FOXP1: variants seen among roughly 807,000 people sequenced by gnomAD.
FOXP1 encodes the protein forkhead box P1.
A neutral mutation model predicts 98.2 loss-of-function variants in FOXP1; 15 were observed. That is an observed-to-expected ratio of 0.15 (90% CI 0.10 to 0.24). The LOEUF is 0.24. Ranked by LOEUF, FOXP1 falls within the 10% of genes least tolerant of loss-of-function variation. The pLI is 1.00. For synonymous variants in FOXP1, 371 were observed against 314.5 expected (o/e 1.18, Z -1.90); for missense variants, 633 against 848.5 (o/e 0.75, Z 3.15).
At chr3:71,168,376 C>G (rs1450272258) in intron 6 of FOXP1, among the ~76,000 whole-genome samples, 1 of 151,864 alleles carries the variant, frequency 6.6e-6, no homozygotes, top group Non-Finnish European at 1.5e-5. Flanking sequence ...ACTTTGTTTT[C>G]TTTTTTCACT....
intron 6 of FOXP1, among the ~76,000 whole-genome samples, chr3:71,166,424 T>G (rs2061404300): frequency 6.6e-6 from 1 of 152,230 alleles, no homozygotes. Context: ...TCTGTGTAAT[T>G]AAACACCAAA....
chr3:71,144,717 A>AG (rs1209297059), intron 6 of FOXP1, among the ~76,000 whole-genome samples: 3 of 152,124 alleles, frequency 2.0e-5, no homozygotes, highest in Non-Finnish European at 2.9e-5. Flanking sequence ...GATTTTTGGC[A>AG]GGGGGGTACA....
chr3:71,553,446 G>A (rs1349036752), intron 2 of FOXP1, among the ~76,000 whole-genome samples: 1 of 152,166 alleles, frequency 6.6e-6, no homozygotes. Context: ...TCCCACTGGT[G>A]AGAGGCTTCC....
At chr3:71,330,100 T>C (rs966458624) in intron 4 of FOXP1, among the ~76,000 whole-genome samples, 2 of 152,166 alleles carry the variant, frequency 1.3e-5, no homozygotes, top group Non-Finnish European at 2.9e-5. Flanking sequence ...TGTAATAACA[T>C]GTATAACTCT....
intron 5 of FOXP1, among the ~76,000 whole-genome samples, chr3:71,217,303 C>A (rs1191635313): frequency 1.3e-5 from 2 of 152,094 alleles, no homozygotes; most frequent in Non-Finnish European, 2.9e-5. Flanking sequence ...GAACTCCTAA[C>A]CTCAAGTGAT....
intron 12 of FOXP1, among the ~76,000 whole-genome samples, chr3:71,011,387 T>G (rs939390078): frequency 6.6e-6 from 1 of 152,058 alleles, no homozygotes; most frequent in Non-Finnish European, 1.5e-5. Context: ...GCCTATGGCT[T>G]TTTCTGGGGC....
chr3:71,222,000 A>G (rs989369405), intron 5 of FOXP1, among the ~76,000 whole-genome samples: 1 of 152,156 alleles, frequency 6.6e-6, no homozygotes, highest in African/African-American at 2.4e-5. Flanking sequence ...TAAAAATACA[A>G]AAATTACCTG....
chr3:71,024,245 C>T (rs1183503013), intron 11 of FOXP1, among the ~76,000 whole-genome samples: 1 of 152,152 alleles, frequency 6.6e-6, no homozygotes, highest in East Asian at 1.9e-4. Context: ...TAAAAATGAC[C>T]TTTCTCCTTC....
intron 7 of FOXP1, among the ~76,000 whole-genome samples, chr3:71,084,385 A>G (rs1488694897): frequency 6.6e-6 from 1 of 152,000 alleles, no homozygotes; most frequent in Non-Finnish European, 1.5e-5. Flanking sequence ...CAAACTCTAC[A>G]ATGATTCACT....
intron 2 of FOXP1, among the ~76,000 whole-genome samples, chr3:71,535,050 G>A (rs981445847): frequency 2.6e-5 from 4 of 152,146 alleles, no homozygotes; most frequent in Admixed American, 6.5e-5. Context: ...CCAATGCTTG[G>A]AGAAGGAGCA....
At chr3:70,962,742 T>C (rs996827374) in intron 20 of FOXP1, among the ~76,000 whole-genome samples, 13 of 152,174 alleles carry the variant, frequency 8.5e-5, no homozygotes, top group African/African-American at 2.9e-4. Context: ...TAACCCAGAA[T>C]TGAATGATAG....
At chr3:71,063,724 G>T (rs556622556) in intron 7 of FOXP1, among the ~76,000 whole-genome samples, 3 of 152,112 alleles carry the variant, frequency 2.0e-5, no homozygotes, top group Non-Finnish European at 4.4e-5. Context: ...TAGAATGCTG[G>T]AATCTATGGA....
intron 13 of FOXP1, among the ~76,000 whole-genome samples, chr3:70,997,660 A>G (rs972280012): frequency 1.3e-5 from 2 of 152,186 alleles, no homozygotes; most frequent in Admixed American, 1.3e-4. Flanking sequence ...TGGTGTTCTC[A>G]AGAACCTGTT....
chr3:70,959,483 A>G, intron 20 of FOXP1, 92 bp from the exon 21 acceptor site: 1 of 1,366,932 alleles, frequency 7.3e-7, no homozygotes. Context: ...GAAAAGCCGC[A>G]CTCTAGAACT....
At chr3:71,343,551 T>C (rs923439484) in intron 4 of FOXP1, among the ~76,000 whole-genome samples, 1 of 112,930 alleles carries the variant, frequency 8.9e-6, no homozygotes, top group Admixed American at 1.3e-4. Context: ...AAATCTCAAT[T>C]AGATTTTTTT....
At chr3:70,973,695 T>C (rs2036841763) in intron 17 of FOXP1, among the ~76,000 whole-genome samples, 1 of 152,114 alleles carries the variant, frequency 6.6e-6, no homozygotes, top group South Asian at 2.1e-4. Flanking sequence ...TACTTAAAAT[T>C]TTCTTCTTAT....
At chr3:71,537,092 G>A (rs2044360674) in intron 2 of FOXP1, among the ~76,000 whole-genome samples, 1 of 152,104 alleles carries the variant, frequency 6.6e-6, no homozygotes. Context: ...GTGCCACTGG[G>A]GTTTTAACTT....
intron 7 of FOXP1, among the ~76,000 whole-genome samples, chr3:71,068,134 C>A (rs1361625201): frequency 6.6e-5 from 10 of 152,004 alleles, no homozygotes; most frequent in African/African-American, 2.2e-4. Flanking sequence ...CATCCTAACA[C>A]CCACAACAGA....
intron 3 of FOXP1, among the ~76,000 whole-genome samples, chr3:71,432,606 G>A (rs1004227744): frequency 2.6e-5 from 4 of 152,030 alleles, no homozygotes; most frequent in Admixed American, 6.6e-5. Flanking sequence ...CTCAGTTGTG[G>A]CTTCAAAGGG....
Sources: gnomAD v4.1 joint callset for allele counts (sites outside exome capture counted in the v4.1 genomes callset) on GRCh38, gnomAD v4.1.1 for gene constraint, MANE v1.5 for transcripts, NCBI Gene and HGNC (gene_info 2026-07-23, HGNC 2026-07-21) for gene names.